Variants in TEK observed in about 807,000 individuals in gnomAD.
The protein encoded by TEK is angiopoietin-1 receptor.
In TEK, 43 loss-of-function variants were observed where a neutral mutation model predicts 131.8. The observed-to-expected ratio is 0.33, with a 90% CI of 0.26 to 0.42. The LOEUF is 0.42. Ranked by LOEUF, TEK falls within the 10% of genes least tolerant of loss-of-function variation. The pLI is 1.00. For missense variants in TEK, 1,162 were observed against 1,384.4 expected, an observed-to-expected ratio of 0.84 and a Z score of 2.55; for synonymous variants, 580 against 491.6, an observed-to-expected ratio of 1.18 and a Z score of -2.38.
intron 1 of TEK, among the ~76,000 whole-genome samples, chr9:27,146,124 A>G (rs1409922513): frequency 2.0e-5 from 3 of 152,078 alleles, no homozygotes; most frequent in Non-Finnish European, 4.4e-5. Flanking sequence ...ATAATACCCT[A>G]TTACATGTAT....
intron 2 of TEK, among the ~76,000 whole-genome samples, chr9:27,164,519 A>T (rs377338216): frequency 1.3e-5 from 2 of 151,840 alleles, no homozygotes; most frequent in East Asian, 3.9e-4. Context: ...TGGAGTTTCA[A>T]TGTGTTAGCC....
intron 18 of TEK, among the ~76,000 whole-genome samples, chr9:27,214,431 G>A (rs1825743220): frequency 6.6e-6 from 1 of 152,136 alleles, no homozygotes; most frequent in Admixed American, 6.5e-5. Context: ...CAGCTTTCCT[G>A]GGATGGCTCC....
chr9:27,118,022 C>T (rs529338279), intron 1 of TEK, among the ~76,000 whole-genome samples: 1 of 152,268 alleles, frequency 6.6e-6, no homozygotes, highest in South Asian at 2.1e-4. Context: ...ACCAGCTTAA[C>T]CTTGGCACAC....
At chr9:27,109,667 A>G (rs1352809699) in intron 1 of TEK, 25 bp downstream of exon 1, 2 of 1,611,544 alleles carry the variant, frequency 1.2e-6, no homozygotes, top group Admixed American at 1.7e-5. Context: ...TATTTTTTTT[A>G]ATTTAGTATT....
chr9:27,149,857 G>T (rs1013819990), intron 1 of TEK, among the ~76,000 whole-genome samples: 1 of 152,130 alleles, frequency 6.6e-6, no homozygotes, highest in African/African-American at 2.4e-5. Context: ...AGGTGGTCTG[G>T]TTCCAAAGAT....
chr9:27,221,745 A>G (rs1242314693), intron 21 of TEK, among the ~76,000 whole-genome samples: 1 of 152,160 alleles, frequency 6.6e-6, no homozygotes, highest in African/African-American at 2.4e-5. Flanking sequence ...CTCCACACCA[A>G]AACCTCATCT....
In TEK at chr9:27,109,647, G is replaced by A; in HGVS notation, c.52+5G>A. On this transcript the variant is annotated splice_donor_5th_base_variant and intron_variant, in intron 1 of 22. Transcript: ENST00000380036. ...GAGTCAGCTTGCTCCTTTCTGGTAAGGTTTGGCTTTATTTTTTTTAATTTA... is the reference window on the plus strand; with the variant it reads ...GAGTCAGCTTGCTCCTTTCTGGTAAAGTTTGGCTTTATTTTTTTTAATTTA... 1 of 1,613,994 alleles carries A rather than the reference G, an allele frequency of 6.2e-7. No homozygotes were observed. Among genetic ancestry groups the A allele is most frequent in the Non-Finnish European group, 8.5e-7 (1 of 1,179,954 alleles).
chr9:27,113,594 TAA>T (rs1269782750), intron 1 of TEK, among the ~76,000 whole-genome samples: 1 of 151,516 alleles, frequency 6.6e-6, no homozygotes. Context: ...CTCAATAAAA[TAA>T]AATAAAATAA....
intron 9 of TEK, among the ~76,000 whole-genome samples, chr9:27,186,930 CTTA>C (rs1824621037): frequency 1.3e-5 from 2 of 152,106 alleles, no homozygotes; most frequent in Non-Finnish European, 1.5e-5. Flanking sequence ...AATCCTCCTT[CTTA>C]TTATTACTTT....
chr9:27,212,131 ACTAAC>A (rs1168174714), intron 16 of TEK, among the ~76,000 whole-genome samples: 4 of 152,202 alleles, frequency 2.6e-5, no homozygotes, highest in Non-Finnish European at 5.9e-5. Context: ...AATCTTTGAA[ACTAAC>A]CTCTGGTGGC....
chr9:27,162,439 T>C (rs1383828498), intron 2 of TEK, among the ~76,000 whole-genome samples: 1 of 152,212 alleles, frequency 6.6e-6, no homozygotes, highest in Admixed American at 6.5e-5. Flanking sequence ...GTGATTTCAT[T>C]TGGGGGTAGG....
chr9:27,179,929 A>C (rs1824299909), intron 6 of TEK, among the ~76,000 whole-genome samples: 2 of 152,108 alleles, frequency 1.3e-5, no homozygotes, highest in African/African-American at 4.8e-5. Context: ...CATCTTCCAA[A>C]TTTCAATTCC....
At chr9:27,134,030 T>C (rs1344171757) in intron 1 of TEK, among the ~76,000 whole-genome samples, 1 of 152,176 alleles carries the variant, frequency 6.6e-6, no homozygotes, top group Non-Finnish European at 1.5e-5. Flanking sequence ...AGTTGACTTG[T>C]ATTTTCCACT....
chr9:27,158,763 G>A (rs758023464), intron 2 of TEK, among the ~76,000 whole-genome samples: 3 of 151,558 alleles, frequency 2.0e-5, no homozygotes, highest in African/African-American at 7.3e-5. Context: ...GGGTTCAAGC[G>A]ATTCTTCTGC....
At chr9:27,183,432 T>G (rs1824468560) in intron 7 of TEK, 27 bp from the exon 8 acceptor site, 1 of 1,612,610 alleles carries the variant, frequency 6.2e-7, no homozygotes, top group East Asian at 2.2e-5. Context: ...AAATATTAGA[T>G]TTCACAGTGC....
intron 1 of TEK, among the ~76,000 whole-genome samples, chr9:27,137,702 C>A (rs534115668): frequency 6.6e-6 from 1 of 152,198 alleles, no homozygotes; most frequent in Admixed American, 6.5e-5. Flanking sequence ...GTTTTACTCT[C>A]AATTTTAGTT....
intron 2 of TEK, among the ~76,000 whole-genome samples, chr9:27,160,482 A>G (rs73425179): frequency 0.045 from 6,820 of 152,188 alleles, 507 homozygotes; most frequent in African/African-American, 0.16. Context: ...GTAAACATGC[A>G]GACTCTGATT....
intron 21 of TEK, among the ~76,000 whole-genome samples, 180 bp downstream of exon 21, chr9:27,220,325 G>A (rs1189876591): frequency 1.3e-5 from 2 of 152,142 alleles, no homozygotes; most frequent in Admixed American, 1.3e-4. Flanking sequence ...TACACAAGAA[G>A]TATTAGCTTT....
chr9:27,126,542 A>C (rs534788602), intron 1 of TEK, among the ~76,000 whole-genome samples: 21 of 152,292 alleles, frequency 1.4e-4, no homozygotes, highest in Admixed American at 7.8e-4. Context: ...AAATTTACAC[A>C]TACAGAATCT....
Sources: gnomAD v4.1 joint callset for allele counts (sites outside exome capture counted in the v4.1 genomes callset) on GRCh38, gnomAD v4.1.1 for gene constraint, MANE v1.5 for transcripts, NCBI Gene and HGNC (gene_info 2026-07-23, HGNC 2026-07-21) for gene names.